The following CORIN variants were observed in gnomAD, a reference collection of about 807,000 sequenced individuals.
CORIN encodes the protein atrial natriuretic peptide-converting enzyme.
Under a neutral mutation model 125.3 loss-of-function variants are expected in CORIN, and 117 were observed. The ratio of observed to expected loss-of-function variants is 0.93; its 90% CI spans 0.80 to 1.09. The LOEUF (loss-of-function observed/expected upper bound fraction) is 1.09, where lower values mean the gene tolerates loss of function less well. CORIN is among the 50% of genes least tolerant of loss of function. The pLI is 0.00. For missense variants in CORIN, 1,253 were observed against 1,306.7 expected (o/e 0.96, Z 0.63); for synonymous variants, 450 against 466.4 (o/e 0.96, Z 0.45).
chr4:47,758,875 C>T (rs1446975210), intron 4 of CORIN, among the ~76,000 whole-genome samples: 1 of 152,184 alleles, frequency 6.6e-6, no homozygotes, highest in African/African-American at 2.4e-5. Context: ...CCCAGCCATG[C>T]AGAACTGTGA....
chr4:47,627,056 T>C (rs1044699759), intron 16 of CORIN, among the ~76,000 whole-genome samples: 1 of 151,978 alleles, frequency 6.6e-6, no homozygotes, highest in Non-Finnish European at 1.5e-5. Context: ...CAATCTCGGC[T>C]CACTGCAACG....
chr4:47,729,356 CTCT>C (rs1317437027), intron 5 of CORIN, among the ~76,000 whole-genome samples: 8 of 152,190 alleles, frequency 5.3e-5, no homozygotes, highest in Admixed American at 3.3e-4. Flanking sequence ...TACATAGCTT[CTCT>C]TCTTCATCTC....
At chr4:47,718,506 TAA>T (rs1727203887) in intron 5 of CORIN, among the ~76,000 whole-genome samples, 1 of 152,216 alleles carries the variant, frequency 6.6e-6, no homozygotes, top group African/African-American at 2.4e-5. Flanking sequence ...ATGCGTGCAA[TAA>T]AAGTTAGCTA....
At chr4:47,796,574 G>A (rs1473725058) in intron 2 of CORIN, among the ~76,000 whole-genome samples, 3 of 151,998 alleles carry the variant, frequency 2.0e-5, no homozygotes, top group Admixed American at 6.6e-5. Flanking sequence ...TATGCAAAAT[G>A]TTCTTATCAT....
intron 5 of CORIN, among the ~76,000 whole-genome samples, chr4:47,716,740 A>C (rs912030674): frequency 6.6e-6 from 1 of 152,160 alleles, no homozygotes; most frequent in African/African-American, 2.4e-5. Flanking sequence ...GAAAATTTTC[A>C]TTTCTTCAAT....
At chr4:47,696,700 G>A (rs547107249) in intron 5 of CORIN, among the ~76,000 whole-genome samples, 87 of 152,166 alleles carry the variant, frequency 5.7e-4, no homozygotes, top group Non-Finnish European at 1.1e-3. Flanking sequence ...CATGGATCTT[G>A]AAGAGTACAT....
At chr4:47,786,652 C>A in intron 3 of CORIN, 73 bp downstream of exon 3, 1 of 1,146,686 alleles carries the variant, frequency 8.7e-7, no homozygotes, top group Non-Finnish European at 1.3e-6. Flanking sequence ...GAACTAAAAG[C>A]ATTGGTTGCC....
At chr4:47,703,112 C>A (rs899404488) in intron 5 of CORIN, among the ~76,000 whole-genome samples, 3 of 152,154 alleles carry the variant, frequency 2.0e-5, no homozygotes, top group African/African-American at 7.2e-5. Flanking sequence ...CCTCAACTAT[C>A]TTCCGGATTG....
rs192924188 is a variant in CORIN, at chr4:47,659,287, G to A, written c.1735+2424C>T. Among the ~76,000 whole-genome samples, 466 of 152,180 alleles carry A rather than the reference G, an allele frequency of 3.1e-3. 2 individuals are homozygous for A. Among genetic ancestry groups the A allele is most frequent in the Non-Finnish European group, 4.9e-3 (336 of 68,022 alleles). ...CTCTTCCAACCCCTGCCTGTTACCCGGTTCCAAAGTTGCTTCCACATTTTC... is the reference window on the plus strand; with the variant it reads ...CTCTTCCAACCCCTGCCTGTTACCCAGTTCCAAAGTTGCTTCCACATTTTC... On this transcript the variant is annotated intron_variant, in intron 12 of 21. Transcript: ENST00000273857.
intron 3 of CORIN, among the ~76,000 whole-genome samples, chr4:47,785,782 C>T (rs1730768543): frequency 6.6e-6 from 1 of 151,824 alleles, no homozygotes; most frequent in Non-Finnish European, 1.5e-5. Flanking sequence ...CATGGTGGCG[C>T]ATGCCTGTAA....
At chr4:47,632,997 G>A (rs13127836) in intron 16 of CORIN, among the ~76,000 whole-genome samples, 39,665 of 151,854 alleles carry the variant, frequency 0.26, 5,409 homozygotes, top group Admixed American at 0.36. Flanking sequence ...GCCCAGGCTG[G>A]TCTCGAACTC....
intron 5 of CORIN, among the ~76,000 whole-genome samples, chr4:47,714,855 GCTTT>G (rs1251727266): frequency 6.6e-6 from 1 of 152,176 alleles, no homozygotes; most frequent in Non-Finnish European, 1.5e-5. Flanking sequence ...ACATCTTTCT[GCTTT>G]CTATCGCCAG....
At chr4:47,671,647 C>T (rs182534267) in intron 10 of CORIN, among the ~76,000 whole-genome samples, 24 of 152,238 alleles carry the variant, frequency 1.6e-4, no homozygotes, top group African/African-American at 4.8e-4. Flanking sequence ...TGCAGTGGCA[C>T]GGTCTCAGCT....
At chr4:47,614,813 AAACTC>A (rs1203674541) in intron 19 of CORIN, among the ~76,000 whole-genome samples, 3 of 152,224 alleles carry the variant, frequency 2.0e-5, no homozygotes, top group African/African-American at 7.2e-5. Context: ...AAAGAAATAA[AAACTC>A]AAGAGTGAGG....
At chr4:47,783,984 A>C (rs1222117867) in intron 3 of CORIN, among the ~76,000 whole-genome samples, 4 of 152,180 alleles carry the variant, frequency 2.6e-5, no homozygotes, top group Non-Finnish European at 5.9e-5. Flanking sequence ...AACTTGAAAG[A>C]GCACTGATCT....
At chr4:47,619,577 G>A (rs1274011547) in intron 19 of CORIN, among the ~76,000 whole-genome samples, 1 of 152,160 alleles carries the variant, frequency 6.6e-6, no homozygotes, top group South Asian at 2.1e-4. Context: ...TCACAGTTTT[G>A]TTAAATTTAG....
intron 6 of CORIN, among the ~76,000 whole-genome samples, chr4:47,685,967 T>A (rs1577826502): frequency 1.3e-5 from 2 of 149,886 alleles, no homozygotes; most frequent in East Asian, 3.9e-4. Flanking sequence ...TGGTTCAATC[T>A]CCTGAATTCC....
At position 47,677,954 on chromosome 4, in the gene CORIN, C is replaced by T; in HGVS notation, c.1233G>A (p.Glu411=). Residue 411 remains glutamate, a synonymous_variant, in exon 9 of 22, where the codon GAG becomes GAA. Transcript: ENST00000273857. ...CACACTTACTGACGCTGCAGTTCTC[C>T]TCATCACTCCCATCCTTGCAGTCCT... ...GDEDCKDGSD[E]ENCSVIQTSC... is the part of the protein sequence containing the mutation. 6.2e-7 allele frequency: 1 copy of T among 1,613,024 alleles called. No homozygotes were observed. The highest frequency in any genetic ancestry group is 8.5e-7 in the Non-Finnish European group (1 of 1,179,074).
At chr4:47,668,225 G>A (rs1460730615) in intron 10 of CORIN, among the ~76,000 whole-genome samples, 2 of 152,186 alleles carry the variant, frequency 1.3e-5, no homozygotes, top group East Asian at 3.8e-4. Context: ...TTTGTTACAA[G>A]ATTTAAAAAT....
Sources: allele counts gnomAD v4.1 joint callset (sites outside exome capture counted in the v4.1 genomes callset), GRCh38; gene constraint gnomAD v4.1.1; transcripts MANE v1.5; gene names NCBI Gene and HGNC (gene_info 2026-07-23, HGNC 2026-07-21).